Variants in ADGRV1 observed in about 807,000 individuals in gnomAD.
The protein encoded by ADGRV1 is adhesion G protein-coupled receptor V1, also known as G-protein coupled receptor 98.
Under a neutral mutation model 596.2 loss-of-function variants are expected in ADGRV1, and 359 were observed. That is an observed-to-expected ratio of 0.60 (90% confidence interval 0.55 to 0.66). The LOEUF (loss-of-function observed/expected upper bound fraction) is 0.66. Among genes scored for constraint, ADGRV1 ranks in the 30% least tolerant of loss-of-function variants. ADGRV1 has a pLI of 0.00. For synonymous variants in ADGRV1, 2,681 were observed against 2,679.2 expected (o/e 1.00, Z -0.02); for missense variants, 7,274 against 7,575.6 (o/e 0.96, Z 1.48).
chr5:90,711,359 A>T, intron 41 of ADGRV1, 37 bp downstream of exon 41: 1 of 1,508,984 alleles, frequency 6.6e-7, no homozygotes, highest in Non-Finnish European at 9.0e-7. Flanking sequence ...ACTTTTACAA[A>T]TTATTTTATA....
At chr5:90,919,994 CAAA>C (rs59122926) in intron 83 of ADGRV1, among the ~76,000 whole-genome samples, 8 of 80,078 alleles carry the variant, frequency 1.0e-4, no homozygotes, top group Admixed American at 1.5e-4. Context: ...AACTCCATCT[CAAA>C]AAAAAAAAAA....
At position 90,697,078 on chromosome 5, in the gene ADGRV1, T is replaced by C. The variant is rs751876337; in HGVS notation, c.8087T>C (p.Leu2696Ser). 3.7e-6 allele frequency: 6 copies of C among 1,613,404 alleles called. No individual in the cohort carries two copies. Among genetic ancestry groups the C allele is most frequent in the Non-Finnish European group, 5.1e-6 (6 of 1,179,510 alleles). Residue 2696 changes from leucine to serine, a missense_variant, in exon 34 of 90, where the codon TTG becomes TCG. Transcript: ENST00000405460. ...TCCGACACTGTTAGAGTGAACATTTTGGCCAATGACAATGTGGCAGGAATT... is the reference window on the plus strand; with the variant it reads ...TCCGACACTGTTAGAGTGAACATTTCGGCCAATGACAATGTGGCAGGAATT... ...PSSDTVRVNILANDNVAGIVS... is the reference protein window; with the variant it reads ...PSSDTVRVNISANDNVAGIVS...
chr5:90,809,991 C>T (rs1020043090), intron 73 of ADGRV1, among the ~76,000 whole-genome samples: 3 of 152,226 alleles, frequency 2.0e-5, no homozygotes, highest in Non-Finnish European at 1.5e-5. Context: ...GACCAGAGAC[C>T]TATAAGCTTT....
intron 83 of ADGRV1, among the ~76,000 whole-genome samples, chr5:90,962,292 A>G (rs1459524023): frequency 6.6e-6 from 1 of 152,256 alleles, no homozygotes; most frequent in African/African-American, 2.4e-5. Flanking sequence ...TGCCCAGCAC[A>G]ATACTTTGTA....
chr5:90,892,660 C>T (rs1770933613), intron 83 of ADGRV1, among the ~76,000 whole-genome samples: 1 of 152,100 alleles, frequency 6.6e-6, no homozygotes, highest in Non-Finnish European at 1.5e-5. Flanking sequence ...AATCCTTCAC[C>T]CCCACTCTTC....
intron 1 of ADGRV1, among the ~76,000 whole-genome samples, chr5:90,585,942 A>C (rs1361181959): frequency 6.6e-6 from 1 of 152,234 alleles, no homozygotes; most frequent in Non-Finnish European, 1.5e-5. Flanking sequence ...CCAGTTGGCC[A>C]GCCGAGTGAG....
chr5:91,112,109 A>G (rs2126698841), intron 87 of ADGRV1, among the ~76,000 whole-genome samples: 1 of 152,336 alleles, frequency 6.6e-6, no homozygotes, highest in Non-Finnish European at 1.5e-5. Context: ...TTGATTGACC[A>G]GGCATAGTTC....
Position 91,040,330 on chromosome 5 carries a change from T to A in ADGRV1, c.18153-32117T>A, listed in dbSNP as rs1431583969. On this transcript the variant is annotated intron_variant, in intron 85 of 89. Transcript: ENST00000405460. ...TCTCTGAGATCTTTTAAAATAGAGTTCCTTCTCATATGTTTGGGCTGTGGG... is the reference window on the plus strand; with the variant it reads ...TCTCTGAGATCTTTTAAAATAGAGTACCTTCTCATATGTTTGGGCTGTGGG... Among the ~76,000 whole-genome samples the A allele has an allele frequency of 2.6e-5, 4 of 152,178 alleles. No individual in the cohort carries two copies. The East Asian group carries it at 7.7e-4, about 29-fold the overall frequency.
At position 90,625,197 on chromosome 5, in the gene ADGRV1, C is replaced by T; in HGVS notation, c.626C>T (p.Pro209Leu). Residue 209 changes from proline to leucine, a missense_variant, in exon 6 of 90, where the codon CCT becomes CTT. By Grantham distance (98) the Pro-to-Leu change is moderately conservative (BLOSUM62 -3). Coordinates refer to ENST00000405460, the MANE Select transcript of ADGRV1 (RefSeq NM_032119.4). ...GTTAAAGGAAATATCACCTTTCCCC[C>T]TGGCAGAGCAACAGTAATTTATAAC... is the stretch of plus-strand genomic sequence containing the variant. ...SPVKGNITFP[P>L]GRATVIYNLT... 2 of 1,613,626 alleles carry T rather than the reference C, an allele frequency of 1.2e-6. No individual in the cohort carries two copies. Among genetic ancestry groups the T allele is most frequent in the Non-Finnish European group, 1.7e-6 (2 of 1,179,692 alleles).
intron 83 of ADGRV1, among the ~76,000 whole-genome samples, chr5:90,887,880 C>T (rs1019619741): frequency 2.6e-5 from 4 of 151,970 alleles, no homozygotes; most frequent in African/African-American, 9.7e-5. Flanking sequence ...CATTTTTGTA[C>T]CACAGTTTTT....
At chr5:90,916,854 G>T (rs370360727) in intron 83 of ADGRV1, among the ~76,000 whole-genome samples, 1 of 151,604 alleles carries the variant, frequency 6.6e-6, no homozygotes, top group Non-Finnish European at 1.5e-5. Context: ...GGATGGTCTC[G>T]ATCTCCTGAC....
intron 83 of ADGRV1, among the ~76,000 whole-genome samples, chr5:90,901,046 T>G (rs997159542): frequency 2.6e-5 from 4 of 152,124 alleles, no homozygotes; most frequent in African/African-American, 9.7e-5. Context: ...TCTTAAAAAT[T>G]TACTACCTTT....
In ADGRV1 at chr5:90,789,760, A is replaced by T; in HGVS notation, c.13952A>T (p.Lys4651Met). The T allele has an allele frequency of 1.3e-6, 2 of 1,559,530 alleles. No individual in the cohort carries two copies. Among genetic ancestry groups the T allele is most frequent in the Non-Finnish European group, 1.7e-6 (2 of 1,149,712 alleles). ...VVQFAPETLSKKTYSEPLALE... is the reference protein window; with the variant it reads ...VVQFAPETLSMKTYSEPLALE... ...CAGTTTGCTCCTGAAACTTTGTCTA[A>T]GAAGACTTATTCAGAGCCTCTGGCT... The change falls in exon 69 of 90, where the codon AAG (lysine) becomes ATG (methionine). Residue 4651 changes from lysine to methionine, a missense_variant. Transcript: ENST00000405460.
intron 83 of ADGRV1, among the ~76,000 whole-genome samples, chr5:90,898,210 A>T (rs967658136): frequency 6.6e-6 from 1 of 152,130 alleles, no homozygotes; most frequent in Non-Finnish European, 1.5e-5. Flanking sequence ...TTCTTCTGTC[A>T]TGTTTGACTA....
intron 84 of ADGRV1, among the ~76,000 whole-genome samples, chr5:90,971,550 CA>C (rs1347235301): frequency 6.6e-6 from 1 of 152,230 alleles, no homozygotes; most frequent in East Asian, 1.9e-4. Flanking sequence ...CAATATTCAA[CA>C]TTCTTAAAGA....
At chr5:91,086,636 CTT>C (rs1789902369) in intron 86 of ADGRV1, among the ~76,000 whole-genome samples, 1 of 152,158 alleles carries the variant, frequency 6.6e-6, no homozygotes, top group African/African-American at 2.4e-5. Context: ...CTCTCTTACT[CTT>C]TTCTGATTTG....
chr5:91,021,961 G>C (rs1783667561), intron 85 of ADGRV1, among the ~76,000 whole-genome samples: 2 of 152,002 alleles, frequency 1.3e-5, no homozygotes, highest in Non-Finnish European at 2.9e-5. Flanking sequence ...CTGTAAGCAT[G>C]GGTCAGCACC....
intron 85 of ADGRV1, among the ~76,000 whole-genome samples, chr5:91,045,712 CA>C (rs1256583286): frequency 6.6e-6 from 1 of 152,052 alleles, no homozygotes; most frequent in Non-Finnish European, 1.5e-5. Context: ...GCATCCAAAT[CA>C]GTAAAGAGGA....
At chr5:90,780,421 G>T (rs1758715135) in intron 64 of ADGRV1, among the ~76,000 whole-genome samples, 1 of 152,038 alleles carries the variant, frequency 6.6e-6, no homozygotes, top group Admixed American at 6.6e-5. Context: ...TCTAGGTAGG[G>T]TATAAATACC....
Sources: allele counts gnomAD v4.1 joint callset (sites outside exome capture counted in the v4.1 genomes callset), GRCh38; gene constraint gnomAD v4.1.1; transcripts MANE v1.5; gene names NCBI Gene and HGNC (gene_info 2026-07-23, HGNC 2026-07-21).